Variants in TMEM63C observed in about 807,000 individuals in gnomAD.
TMEM63C encodes osmosensitive cation channel TMEM63C.
Under a neutral mutation model 99.2 loss-of-function variants are expected in TMEM63C, and 32 were observed. That is an observed-to-expected ratio of 0.32 (90% confidence interval 0.24 to 0.43). The LOEUF (loss-of-function observed/expected upper bound fraction) is 0.43. Among genes scored for constraint, TMEM63C ranks in the 20% least tolerant of loss-of-function variants. TMEM63C has a pLI of 1.00. For missense variants in TMEM63C, 826 were observed against 1,053.0 expected (o/e 0.78, Z 2.98); for synonymous variants, 376 against 397.9 (o/e 0.94, Z 0.66).
intron 9 of TMEM63C, among the ~76,000 whole-genome samples, chr14:77,238,105 A>G (rs1450081553): frequency 4.6e-5 from 7 of 152,174 alleles, no homozygotes; most frequent in African/African-American, 1.7e-4. Flanking sequence ...CAATTACCAG[A>G]CTGTCATCTT....
intron 9 of TMEM63C, among the ~76,000 whole-genome samples, chr14:77,237,223 T>C: frequency 6.6e-6 from 1 of 152,090 alleles, no homozygotes; most frequent in Non-Finnish European, 1.5e-5. Flanking sequence ...GGGGCCTCCA[T>C]GCTAAGTGGT....
intron 1 of TMEM63C, among the ~76,000 whole-genome samples, chr14:77,210,017 A>G (rs767156255): frequency 6.6e-6 from 1 of 152,174 alleles, no homozygotes; most frequent in Non-Finnish European, 1.5e-5. Context: ...ACACTGTGAC[A>G]TGGTTTAAGA....
intron 1 of TMEM63C, among the ~76,000 whole-genome samples, chr14:77,205,088 G>T (rs560796140): frequency 6.6e-6 from 1 of 152,358 alleles, no homozygotes; most frequent in South Asian, 2.1e-4. Flanking sequence ...GAACCTTCCA[G>T]GTGGTGGGAC....
intron 15 of TMEM63C, among the ~76,000 whole-genome samples, chr14:77,243,646 T>G (rs924745153): frequency 1.3e-5 from 2 of 152,070 alleles, no homozygotes; most frequent in African/African-American, 4.8e-5. Flanking sequence ...ATGGTGCAGG[T>G]CAGAGGGATC....
intron 6 of TMEM63C, among the ~76,000 whole-genome samples, chr14:77,227,252 G>A (rs1217958119): frequency 1.3e-5 from 2 of 152,180 alleles, no homozygotes; most frequent in Non-Finnish European, 2.9e-5. Flanking sequence ...CTATTCCAAT[G>A]GTCGAGGTGG....
chr14:77,236,621 C>T lies in TMEM63C; in HGVS notation c.543-3C>T. Reference sequence around the variant, plus strand: ...CTCACTGCTGCTGCCTCCCTCCCTGCAGGAGCAAGCTCCTGTGGCTGCATA... The same window carrying T: ...CTCACTGCTGCTGCCTCCCTCCCTGTAGGAGCAAGCTCCTGTGGCTGCATA... On this transcript the variant is annotated splice_region_variant and splice_polypyrimidine_tract_variant and intron_variant, in intron 8 of 23. Coordinates refer to ENST00000298351, the MANE Select transcript of TMEM63C (RefSeq NM_020431.4). 1 of 1,608,680 alleles carries T rather than the reference C, an allele frequency of 6.2e-7. No homozygotes were observed. The highest frequency in any genetic ancestry group is 1.3e-5 in the African/African-American group (1 of 74,746).
In TMEM63C at chr14:77,210,177, G is replaced by A. The variant is rs78862558; in HGVS notation, c.-76-3269G>A. ...AGTCTGGTGCTTTTATGTCTTGGCT[G>A]CACACAATAATTGGAGATTCTCATG... is the stretch of plus-strand genomic sequence containing the variant. On this transcript the variant is annotated intron_variant, in intron 1 of 23. Coordinates refer to ENST00000298351, the MANE Select transcript of TMEM63C (RefSeq NM_020431.4). 8.2e-3 allele frequency among the ~76,000 whole-genome samples: 1,248 copies of A among 152,278 alleles called. 16 individuals are homozygous for A. Among genetic ancestry groups the A allele is most frequent in the African/African-American group, 0.029 (1,189 of 41,538 alleles).
At chr14:77,226,342 G>C (rs774652735) in intron 6 of TMEM63C, among the ~76,000 whole-genome samples, 24 of 152,218 alleles carry the variant, frequency 1.6e-4, no homozygotes, top group Non-Finnish European at 3.5e-4. Context: ...GCATCCAGCA[G>C]CTCTTGAGAG....
chr14:77,201,878 CA>C (rs1415498549), intron 1 of TMEM63C, among the ~76,000 whole-genome samples: 2 of 152,244 alleles, frequency 1.3e-5, no homozygotes, highest in African/African-American at 4.8e-5. Context: ...ACTGGACCCC[CA>C]CTCCTGAGGC....
At chr14:77,186,462 G>GT (rs1474812429) in intron 1 of TMEM63C, among the ~76,000 whole-genome samples, 1 of 152,140 alleles carries the variant, frequency 6.6e-6, no homozygotes, top group East Asian at 1.9e-4. Flanking sequence ...CCAGCACTTT[G>GT]GGGGGCCTAG....
chr14:77,222,712 C>T (rs1888747368), intron 5 of TMEM63C, among the ~76,000 whole-genome samples: 1 of 152,232 alleles, frequency 6.6e-6, no homozygotes. Context: ...CCCCCTTCCG[C>T]AGTGGCCCTT....
At chr14:77,239,515 T>C in intron 11 of TMEM63C, 23 bp downstream of exon 11, 1 of 1,612,440 alleles carries the variant, frequency 6.2e-7, no homozygotes, top group South Asian at 1.1e-5. Context: ...CGGGGCCTTT[T>C]GGGGCCCGGG....
intron 1 of TMEM63C, among the ~76,000 whole-genome samples, chr14:77,198,984 C>T (rs1014153058): frequency 1.3e-5 from 2 of 152,184 alleles, no homozygotes; most frequent in African/African-American, 4.8e-5. Flanking sequence ...AAACATGACC[C>T]TGCTCTCAGG....
chr14:77,242,865 T>A, intron 14 of TMEM63C, 38 bp from the exon 15 acceptor site: 1 of 1,613,158 alleles, frequency 6.2e-7, no homozygotes, highest in South Asian at 1.1e-5. Flanking sequence ...TAAGAACTGA[T>A]GTCTCTAAAT....
In TMEM63C at chr14:77,242,444, G is replaced by T; in HGVS notation, c.1162G>T (p.Ala388Ser). The change falls in exon 14 of 24, where the codon GCC becomes TCC. Residue 388 changes from alanine (A) to serine (S), a missense_variant. Coordinates refer to ENST00000298351, the MANE Select transcript of TMEM63C (RefSeq NM_020431.4). Reference sequence around the variant, plus strand: ...ATCATATTACTGGAGGGTCACTATGGCCCCACACCCCAAAGACATTATTTG... The same window carrying T: ...ATCATATTACTGGAGGGTCACTATGTCCCCACACCCCAAAGACATTATTTG... Reference protein sequence around the residue: ...VKSYYWRVTMAPHPKDIIWKH... With the variant: ...VKSYYWRVTMSPHPKDIIWKH... The T allele has an allele frequency of 6.2e-7, 1 of 1,613,844 alleles. No homozygotes were observed. The highest frequency in any genetic ancestry group is 8.5e-7 in the Non-Finnish European group (1 of 1,179,856).
At chr14:77,187,519 G>C (rs1245920391) in intron 1 of TMEM63C, among the ~76,000 whole-genome samples, 1 of 152,232 alleles carries the variant, frequency 6.6e-6, no homozygotes, top group Non-Finnish European at 1.5e-5. Flanking sequence ...ACTCCATGGA[G>C]GGGCTTCTTG....
Position 77,242,469 on chromosome 14 carries a change from GGTAA to G in TMEM63C, c.1187+2_1187+5del. 6.2e-7 allele frequency: 1 copy of G among 1,613,666 alleles called. No individual in the cohort carries two copies. The highest frequency in any genetic ancestry group is 1.7e-5 in the Admixed American group (1 of 59,996). On this transcript the variant is annotated splice_donor_variant and splice_donor_region_variant and intron_variant, in intron 14 of 23. Transcript: ENST00000298351. LOFTEE classifies it high-confidence loss of function. Reference sequence around the variant, plus strand: ...GCCCCACACCCCAAAGACATTATTTGGTAAGCCTCCTCCATCCCTCCCCTCTCCT... The same window carrying G: ...GCCCCACACCCCAAAGACATTATTTGGCCTCCTCCATCCCTCCCCTCTCCT...
intron 13 of TMEM63C, among the ~76,000 whole-genome samples, chr14:77,241,710 G>C (rs1018497297): frequency 2.3e-4 from 35 of 152,216 alleles, no homozygotes; most frequent in African/African-American, 8.0e-4. Flanking sequence ...GGGTTGACAA[G>C]TGATATGCCT....
At chr14:77,194,495 T>TTCTG (rs1256962363) in intron 1 of TMEM63C, among the ~76,000 whole-genome samples, 1 of 30,190 alleles carries the variant, frequency 3.3e-5, no homozygotes, top group African/African-American at 1.6e-4. Flanking sequence ...TATTTCTTTT[T>TTCTG]TCTTTCTTTC....
Sources: gnomAD v4.1 joint callset for allele counts (sites outside exome capture counted in the v4.1 genomes callset) on GRCh38, gnomAD v4.1.1 for gene constraint, MANE v1.5 for transcripts, NCBI Gene and HGNC (gene_info 2026-07-23, HGNC 2026-07-21) for gene names.